Variants in GLRA1 observed in about 807,000 individuals in gnomAD.
The protein encoded by GLRA1 is glycine receptor alpha 1.
A neutral mutation model predicts 48.3 loss-of-function variants in GLRA1; 37 were observed. The ratio of observed to expected loss-of-function variants is 0.77; its 90% CI spans 0.59 to 1.01. The LOEUF is 1.01. Ranked by LOEUF, GLRA1 falls within the 50% of genes least tolerant of loss-of-function variation. The pLI is 0.00. For missense variants in GLRA1, 427 were observed against 571.0 expected (o/e 0.75, Z 2.57); for synonymous variants, 196 against 210.7 (o/e 0.93, Z 0.60).
In GLRA1 at chr5:151,831,982, TC is replaced by T. The variant is rs1763439026; in HGVS notation, c.913-2916del. On this transcript the variant is annotated intron_variant, in intron 7 of 8. Coordinates refer to ENST00000274576, the MANE Select transcript of GLRA1 (RefSeq NM_000171.4). ...TAGCAATCTTTGCTGTTCTGCAGTC[TC>T]CACTGGTGATAACTAGGCACACAGG... Among the ~76,000 whole-genome samples the T allele has an allele frequency of 2.6e-5, 4 of 152,160 alleles. No homozygotes were observed. In the South Asian group the frequency reaches 8.3e-4, roughly 31 times the overall value.
At chr5:151,862,881 G>T (rs1381749220) in intron 3 of GLRA1, among the ~76,000 whole-genome samples, 1 of 152,164 alleles carries the variant, frequency 6.6e-6, no homozygotes, top group Non-Finnish European at 1.5e-5. Context: ...CTGAAGTCCA[G>T]GGAGAATTGA....
intron 4 of GLRA1, among the ~76,000 whole-genome samples, chr5:151,856,769 ACAT>A (rs1269959197): frequency 6.6e-6 from 1 of 152,004 alleles, no homozygotes; most frequent in Non-Finnish European, 1.5e-5. Context: ...CAGTCCTCCC[ACAT>A]CAGTCTCCAA....
At chr5:151,850,672 G>C (rs1752876976) in intron 7 of GLRA1, 1 of 1,316,768 alleles carries the variant, frequency 7.6e-7, no homozygotes, top group Non-Finnish European at 1.1e-6. Context: ...GCCAGGAGAA[G>C]AAGGGTTACT....
chr5:151,899,199 G>A (rs1754304927), intron 1 of GLRA1, among the ~76,000 whole-genome samples: 1 of 152,132 alleles, frequency 6.6e-6, no homozygotes, highest in Non-Finnish European at 1.5e-5. Context: ...GAATAGTTTA[G>A]GTACTTAAGA....
intron 3 of GLRA1, among the ~76,000 whole-genome samples, chr5:151,874,703 G>T (rs1014389396): frequency 2.0e-5 from 3 of 152,258 alleles, no homozygotes; most frequent in African/African-American, 7.2e-5. Flanking sequence ...TGGAAGAGAG[G>T]GATATTTTTA....
chr5:151,874,311 C>T lies in GLRA1; in HGVS notation c.252+12410G>A, dbSNP rs76085533. Among the ~76,000 whole-genome samples, 998 of 152,280 alleles carry T rather than the reference C, an allele frequency of 6.6e-3. 11 individuals carry two copies. The highest frequency in any genetic ancestry group is 0.022 in the African/African-American group (926 of 41,538). ...GTTATTATGTTCACTATTTGGGTGA[C>T]GGGTTCAATGGAAACCCAAATACCA... On this transcript the variant is annotated intron_variant, in intron 3 of 8. Transcript: ENST00000274576.
intron 8 of GLRA1, 80 bp from the exon 9 acceptor site, chr5:151,823,043 G>C: frequency 1.6e-6 from 2 of 1,220,144 alleles, no homozygotes; most frequent in Middle Eastern, 2.2e-4. Flanking sequence ...TCCCTTGGGG[G>C]CCAGGCCATG....
intron 7 of GLRA1, chr5:151,849,103 C>CTT (rs372056240): frequency 1.3e-5 from 2 of 157,508 alleles, no homozygotes; most frequent in Non-Finnish European, 2.4e-5. Context: ...TATTTCTTTT[C>CTT]TTTTCTTTCT....
chr5:151,884,427 T>A (rs1015993950), intron 3 of GLRA1, among the ~76,000 whole-genome samples: 7 of 148,708 alleles, frequency 4.7e-5, no homozygotes, highest in Non-Finnish European at 8.9e-5. Flanking sequence ...AAACTCTGTC[T>A]CAAAACAAAA....
chr5:151,857,149 G>C (rs1753067927), intron 4 of GLRA1, among the ~76,000 whole-genome samples: 1 of 152,232 alleles, frequency 6.6e-6, no homozygotes, highest in South Asian at 2.1e-4. Flanking sequence ...CAGTGACCTG[G>C]TGGCCATCTG....
chr5:151,924,453 C>G, intron 1 of GLRA1, 41 bp downstream of exon 1: 1 of 1,237,194 alleles, frequency 8.1e-7, no homozygotes. Flanking sequence ...TCTTTCCCCC[C>G]ATTTCCATCA....
intron 1 of GLRA1, 103 bp downstream of exon 1, chr5:151,924,391 G>A (rs1201523195): frequency 9.8e-6 from 8 of 813,532 alleles, no homozygotes; most frequent in East Asian, 2.4e-5. Flanking sequence ...GTGGAATACA[G>A]CACCCCTCTT....
intron 7 of GLRA1, among the ~76,000 whole-genome samples, chr5:151,833,672 A>G (rs1053166277): frequency 2.6e-5 from 4 of 152,010 alleles, no homozygotes; most frequent in African/African-American, 9.7e-5. Flanking sequence ...CATGTTGGTC[A>G]GGCTAGTCTC....
At chr5:151,868,734 G>T (rs1009959524) in intron 3 of GLRA1, among the ~76,000 whole-genome samples, 4 of 152,180 alleles carry the variant, frequency 2.6e-5, no homozygotes, top group African/African-American at 9.7e-5. Flanking sequence ...GAAAGCTTCT[G>T]CCCTAGATTT....
chr5:151,842,371 CTA>C (rs1213759709), intron 7 of GLRA1, among the ~76,000 whole-genome samples: 1 of 149,998 alleles, frequency 6.7e-6, no homozygotes, highest in Non-Finnish European at 1.5e-5. Flanking sequence ...CAGGAAAACA[CTA>C]GCAAACCAAA....
chr5:151,915,999 G>A (rs1754729876), intron 1 of GLRA1, among the ~76,000 whole-genome samples: 1 of 152,086 alleles, frequency 6.6e-6, no homozygotes, highest in Admixed American at 6.5e-5. Flanking sequence ...TTATCCATTG[G>A]TAGAGGGGGA....
At chr5:151,830,036 T>C (rs547152496) in intron 7 of GLRA1, among the ~76,000 whole-genome samples, 1 of 152,380 alleles carries the variant, frequency 6.6e-6, no homozygotes, top group South Asian at 2.1e-4. Context: ...AACAACCATG[T>C]ACAAGTTTCT....
chr5:151,922,249 C>G (rs1352821254), intron 1 of GLRA1, among the ~76,000 whole-genome samples: 1 of 152,114 alleles, frequency 6.6e-6, no homozygotes, highest in Non-Finnish European at 1.5e-5. Context: ...CTGCCAGCCT[C>G]CATCTACCCC....
chr5:151,877,563 C>T (rs1753657097), intron 3 of GLRA1, among the ~76,000 whole-genome samples: 1 of 152,140 alleles, frequency 6.6e-6, no homozygotes, highest in Non-Finnish European at 1.5e-5. Flanking sequence ...AGGGCATTTC[C>T]TTATGTTTGG....
Sources: allele counts gnomAD v4.1 joint callset (sites outside exome capture counted in the v4.1 genomes callset), GRCh38; gene constraint gnomAD v4.1.1; transcripts MANE v1.5; gene names NCBI Gene and HGNC (gene_info 2026-07-23, HGNC 2026-07-21).